The following MSI1 variants were observed in gnomAD, a reference collection of about 807,000 sequenced individuals.
The protein encoded by MSI1 is musashi RNA binding protein 1, also known as RNA-binding protein Musashi homolog 1.
In MSI1, 15 loss-of-function variants were observed where a neutral mutation model predicts 54.4. The observed-to-expected ratio is 0.28, with a 90% CI of 0.18 to 0.42. The LOEUF (loss-of-function observed/expected upper bound fraction) is 0.42. Among genes scored for constraint, MSI1 ranks in the 20% least tolerant of loss-of-function variants. MSI1 has a pLI of 1.00. For missense variants in MSI1, 304 were observed against 506.0 expected (o/e 0.60, Z 3.83); for synonymous variants, 200 against 196.5 (o/e 1.02, Z -0.15).
chr12:120,353,334 G>A lies in MSI1; in HGVS notation c.698C>T (p.Thr233Ile), dbSNP rs1307284325. 1.9e-6 allele frequency: 3 copies of A among 1,614,126 alleles called. No individual in the cohort carries two copies. The highest frequency in any genetic ancestry group is 1.7e-6 in the Non-Finnish European group (2 of 1,180,008). The change falls in exon 10 of 15, where the codon ACA (threonine) becomes ATA (isoleucine). Residue 233 changes from threonine (T) to isoleucine (I), a missense_variant. Around this residue, in one of 4 missense-constraint regions of MSI1, gnomAD observed 147 missense variants for 231.5 expected, o/e 0.64. Transcript: ENST00000257552. ...GTAGGTGTAGCCAGGGGCGAGGCCTGTATAACTCCGGCTGGCGTAGGTTGT... is the reference window on the plus strand; with the variant it reads ...GTAGGTGTAGCCAGGGGCGAGGCCTATATAACTCCGGCTGGCGTAGGTTGT... ...QATTYASRSY[T>I]GLAPGYTYQF...
intron 6 of MSI1, among the ~76,000 whole-genome samples, chr12:120,359,589 C>T (rs187676691): frequency 6.6e-6 from 1 of 152,146 alleles, no homozygotes; most frequent in Non-Finnish European, 1.5e-5. Flanking sequence ...AGTTCAGTGC[C>T]TGGGCTGCTT....
chr12:120,365,398 C>G (rs903714243), intron 4 of MSI1, among the ~76,000 whole-genome samples: 1 of 152,070 alleles, frequency 6.6e-6, no homozygotes, highest in Non-Finnish European at 1.5e-5. Flanking sequence ...ATAATGCATA[C>G]AAAGCATTTG....
intron 11 of MSI1, among the ~76,000 whole-genome samples, chr12:120,350,681 C>T (rs936046228): frequency 7.2e-5 from 11 of 152,190 alleles, no homozygotes; most frequent in African/African-American, 1.9e-4. Context: ...AGGCTGGCTC[C>T]GCAGCTGAGC....
At chr12:120,356,068 C>T (rs1234679956) in intron 9 of MSI1, among the ~76,000 whole-genome samples, 1 of 152,180 alleles carries the variant, frequency 6.6e-6, no homozygotes, top group Non-Finnish European at 1.5e-5. Context: ...GCTTTCAAGG[C>T]TCATGGCAGC....
In MSI1 at chr12:120,357,807, C is replaced by T. The variant is rs776082216; in HGVS notation, c.534+9G>A. 55 of 1,613,668 alleles carry T rather than the reference C, an allele frequency of 3.4e-5. No individual in the cohort carries two copies. The highest frequency in any genetic ancestry group is 1.0e-4 in the Admixed American group (6 of 59,982). ...CAGGCGTGAGCCACTGCGCCCGGAC[C>T]CAACTCACCATTTTGTTGTTGATTT... On this transcript the variant is annotated intron_variant, in intron 8 of 14. Transcript: ENST00000257552.
chr12:120,353,839 C>T (rs1375123987), intron 9 of MSI1, among the ~76,000 whole-genome samples: 1 of 152,242 alleles, frequency 6.6e-6, no homozygotes, highest in Admixed American at 6.5e-5. Flanking sequence ...CAGATGACTA[C>T]ATGCCTGAGT....
intron 11 of MSI1, among the ~76,000 whole-genome samples, chr12:120,350,387 G>A (rs575568808): frequency 1.1e-4 from 17 of 152,204 alleles, no homozygotes; most frequent in Admixed American, 3.3e-4. Flanking sequence ...GACAACTAGT[G>A]GCCAAACTCT....
chr12:120,346,441 G>T (rs1874131896), intron 12 of MSI1, 119 bp from the exon 13 acceptor site: 2 of 1,037,520 alleles, frequency 1.9e-6, no homozygotes, highest in Non-Finnish European at 2.7e-6. Context: ...AGTCCTGTGG[G>T]CCCACCTCCT....
Position 120,368,980 on chromosome 12 carries a change from A to G in MSI1, c.59+53T>C, listed in dbSNP as rs1172753229. 4 of 1,133,104 alleles carry G rather than the reference A, an allele frequency of 3.5e-6. No homozygotes were observed. Among genetic ancestry groups the G allele is most frequent in the Non-Finnish European group, 4.3e-6 (4 of 921,686 alleles). 70.2% of individuals were successfully genotyped at this position (1,133,104 alleles called of 1,614,324 possible). ...AGGCCCGGCCGGACCCGGATCGGCC[A>G]TGTTGGCGGGGCCGGGGCGGGCGCG... On this transcript the variant is annotated intron_variant, in intron 1 of 14. Transcript: ENST00000257552. This position sits in a 1 kb window ranked among gnomAD's most constrained non-coding sequence, Gnocchi z 6.6.
rs774063033 is a variant in MSI1, at chr12:120,353,356, T to C, written c.676A>G (p.Thr226Ala). 19 of 1,613,896 alleles carry C rather than the reference T, an allele frequency of 1.2e-5. No individual in the cohort carries two copies. The Admixed American group carries it at 2.8e-4, about 24-fold the overall frequency. Residue 226 changes from threonine to alanine, a missense_variant, in exon 10 of 15, where the codon ACC (threonine) becomes GCC (alanine). By Grantham distance (58) the Thr-to-Ala change is moderately conservative. Coordinates refer to ENST00000257552, the MANE Select transcript of MSI1 (RefSeq NM_002442.4). ...MLGYPGFQATTYASRSYTGLA... is the reference protein window; with the variant it reads ...MLGYPGFQATAYASRSYTGLA... ...CCTGTATAACTCCGGCTGGCGTAGGTTGTGGCTTGGAAACCTGGGTAACCT... is the reference window on the plus strand; with the variant it reads ...CCTGTATAACTCCGGCTGGCGTAGGCTGTGGCTTGGAAACCTGGGTAACCT...
intron 9 of MSI1, 78 bp downstream of exon 9, chr12:120,356,824 T>A: frequency 7.8e-7 from 1 of 1,285,878 alleles, no homozygotes; most frequent in South Asian, 1.2e-5. Context: ...ACAGGGGAGG[T>A]GCAACACCCA....
At chr12:120,355,671 A>C (rs945262740) in intron 9 of MSI1, among the ~76,000 whole-genome samples, 20 of 152,232 alleles carry the variant, frequency 1.3e-4, no homozygotes, top group African/African-American at 4.3e-4. Flanking sequence ...AATGGGGGCA[A>C]AATGTTAAGA....
intron 13 of MSI1, 103 bp downstream of exon 13, chr12:120,346,032 C>T (rs774896215): frequency 1.9e-6 from 2 of 1,045,656 alleles, no homozygotes; most frequent in Admixed American, 3.0e-5. Context: ...CTCCCTCACC[C>T]TCCTTTTGCC....
chr12:120,365,261 G>T (rs1875944564), intron 4 of MSI1, among the ~76,000 whole-genome samples: 1 of 152,090 alleles, frequency 6.6e-6, no homozygotes, highest in Non-Finnish European at 1.5e-5. Context: ...AATCCCATTT[G>T]CACTGCTTCC....
Position 120,368,940 on chromosome 12 carries a change from G to T in MSI1, c.60-67C>A. On this transcript the variant is annotated intron_variant, in intron 1 of 14. Coordinates refer to ENST00000257552, the MANE Select transcript of MSI1 (RefSeq NM_002442.4). This position sits in a 1 kb window ranked among gnomAD's most constrained non-coding sequence, Gnocchi z 6.6. ...GGGCGCCAGGGCGCAGGGGGCGCGGGCCCGGGCTCCGGGGAGGCCCGGCCG... is the reference window on the plus strand; with the variant it reads ...GGGCGCCAGGGCGCAGGGGGCGCGGTCCCGGGCTCCGGGGAGGCCCGGCCG... 1 of 1,264,114 alleles carries T rather than the reference G, an allele frequency of 7.9e-7. No individual in the cohort carries two copies. Among genetic ancestry groups the T allele is most frequent in the South Asian group, 2.1e-5 (1 of 47,122 alleles). 78.3% of individuals were successfully genotyped at this position (1,264,114 alleles called of 1,614,324 possible). A position where few individuals can be genotyped will look rare whatever the true frequency, so the allele number is the denominator to read the frequency against.
At chr12:120,351,497 G>A in intron 10 of MSI1, 97 bp from the exon 11 acceptor site, 1 of 1,108,078 alleles carries the variant, frequency 9.0e-7, no homozygotes, top group South Asian at 1.4e-5. Flanking sequence ...ACTGGGTGAG[G>A]AGACAGGCCA....
At position 120,346,243 on chromosome 12, in the gene MSI1, G is replaced by A. The variant is rs766485289; in HGVS notation, c.939C>T (p.Pro313=). The change falls in exon 13 of 15, where the codon CCC becomes CCT. Residue 313 remains proline, a synonymous_variant. Coordinates refer to ENST00000257552, the MANE Select transcript of MSI1 (RefSeq NM_002442.4). ...CCCCGTAGAGCTCGGCCATGGGGCC[G>A]GGGCTGGTGGTCCCCAGGAAGCCCC... ...RTGGFLGTTS[P]GPMAELYGAA... 3.4e-5 allele frequency: 54 copies of A among 1,594,648 alleles called. No individual in the cohort carries two copies. The Admixed American group carries it at 3.5e-4, about 10-fold the overall frequency.
Position 120,368,767 on chromosome 12 carries a change from G to T in MSI1, c.100+66C>A, listed in dbSNP as rs1876197669. On this transcript the variant is annotated intron_variant, in intron 2 of 14. Transcript: ENST00000257552. This position sits in a 1 kb window ranked among gnomAD's most constrained non-coding sequence, Gnocchi z 6.6. Reference sequence around the variant, plus strand: ...GGCGCAGGGCCGGGCTGGGGTGTCCGGGTCCGGGGCGCCGGGGGGTCCGGG... The same window carrying T: ...GGCGCAGGGCCGGGCTGGGGTGTCCTGGTCCGGGGCGCCGGGGGGTCCGGG... 6.8e-6 allele frequency: 9 copies of T among 1,321,500 alleles called. No individual in the cohort carries two copies. The highest frequency in any genetic ancestry group is 2.3e-4 in the Middle Eastern group (1 of 4,426). 81.9% of individuals were successfully genotyped at this position (1,321,500 alleles called of 1,614,324 possible). A position where few individuals can be genotyped will look rare whatever the true frequency, so the allele number is the denominator to read the frequency against.
At chr12:120,353,499 C>T (rs1874823032) in intron 9 of MSI1, 120 bp from the exon 10 acceptor site, 1 of 823,266 alleles carries the variant, frequency 1.2e-6, no homozygotes, top group Non-Finnish European at 2.0e-6. Context: ...TAGCTATACC[C>T]TCCAAATACC....
Sources: allele counts gnomAD v4.1 joint callset (sites outside exome capture counted in the v4.1 genomes callset), GRCh38; gene constraint gnomAD v4.1.1; regional missense constraint gnomAD v4.1.1; non-coding constraint Gnocchi (gnomAD v3.1); transcripts MANE v1.5; gene names NCBI Gene and HGNC (gene_info 2026-07-23, HGNC 2026-07-21).